CHCHD3: variants seen among roughly 807,000 people sequenced by gnomAD.
The protein encoded by CHCHD3 is MICOS complex subunit MIC19.
A neutral mutation model predicts 38.2 loss-of-function variants in CHCHD3; 20 were observed. The observed-to-expected ratio is 0.52, with a 90% CI of 0.37 to 0.76. The LOEUF (loss-of-function observed/expected upper bound fraction) is 0.76, where lower values mean the gene tolerates loss of function less well. Among genes scored for constraint, CHCHD3 ranks in the 30% least tolerant of loss-of-function variants. CHCHD3 has a pLI of 0.00. For missense variants in CHCHD3, 245 were observed against 279.2 expected (o/e 0.88, Z 0.87); for synonymous variants, 82 against 100.0 (o/e 0.82, Z 1.07).
At chr7:133,026,079 C>T (rs1349044240) in intron 2 of CHCHD3, among the ~76,000 whole-genome samples, 1 of 152,098 alleles carries the variant, frequency 6.6e-6, no homozygotes, top group Non-Finnish European at 1.5e-5. Flanking sequence ...AGCTAAAAAG[C>T]CCTCAGAATG....
chr7:132,838,957 G>A (rs1415572310), intron 5 of CHCHD3, among the ~76,000 whole-genome samples: 1 of 152,040 alleles, frequency 6.6e-6, no homozygotes, highest in Non-Finnish European at 1.5e-5. Context: ...TTGGGAGGCC[G>A]AGGTGGGCGG....
chr7:133,022,615 CA>C (rs3214414), intron 3 of CHCHD3: 142,707 of 401,076 alleles, frequency 0.36, 26,443 homozygotes, highest in Admixed American at 0.44. Context: ...AGGCTTCAAA[CA>C]AAACTTTTTT....
At chr7:132,889,118 A>T (rs1809298355) in intron 4 of CHCHD3, among the ~76,000 whole-genome samples, 1 of 152,104 alleles carries the variant, frequency 6.6e-6, no homozygotes, top group African/African-American at 2.4e-5. Context: ...GGGCATCTAA[A>T]AGAGTGAACC....
At chr7:132,808,865 C>A (rs1806996637) in intron 6 of CHCHD3, among the ~76,000 whole-genome samples, 1 of 151,218 alleles carries the variant, frequency 6.6e-6, no homozygotes, top group African/African-American at 2.4e-5. Context: ...AGGTATATCT[C>A]CCAATGCTAT....
chr7:133,043,037 T>C (rs1813875253), intron 2 of CHCHD3, among the ~76,000 whole-genome samples: 2 of 151,918 alleles, frequency 1.3e-5, no homozygotes, highest in Non-Finnish European at 2.9e-5. Context: ...CAGCTAATTT[T>C]TGTATTTTTT....
chr7:132,818,788 C>G (rs2117063708), intron 6 of CHCHD3, among the ~76,000 whole-genome samples: 1 of 152,230 alleles, frequency 6.6e-6, no homozygotes, highest in East Asian at 1.9e-4. Context: ...GAAGGAATTC[C>G]CAATTAATGA....
intron 4 of CHCHD3, among the ~76,000 whole-genome samples, chr7:132,914,551 G>A (rs1209299533): frequency 1.3e-5 from 2 of 152,182 alleles, no homozygotes; most frequent in East Asian, 3.9e-4. Flanking sequence ...CTTAAAAAGT[G>A]TGATCTAGTT....
At chr7:132,819,842 G>A (rs892753004) in intron 6 of CHCHD3, among the ~76,000 whole-genome samples, 5 of 152,204 alleles carry the variant, frequency 3.3e-5, no homozygotes, top group Admixed American at 1.3e-4. Context: ...GCTGTGCTGC[G>A]GGGGCAGCGT....
chr7:132,860,246 G>A (rs1053476445), intron 5 of CHCHD3, among the ~76,000 whole-genome samples: 1 of 152,076 alleles, frequency 6.6e-6, no homozygotes, highest in South Asian at 2.1e-4. Flanking sequence ...CAGTCTGGGT[G>A]ATGGAGTGAG....
intron 2 of CHCHD3, among the ~76,000 whole-genome samples, chr7:133,056,350 T>A (rs1342730862): frequency 1.3e-5 from 2 of 152,128 alleles, no homozygotes; most frequent in African/African-American, 4.8e-5. Context: ...TCGCACATCA[T>A]CCTTCTCCCA....
rs147144976 is a variant in CHCHD3, at chr7:132,852,898, G to C, written c.454-14429C>G. Among the ~76,000 whole-genome samples, 885 of 152,254 alleles carry C rather than the reference G, an allele frequency of 5.8e-3. 11 individuals are homozygous for C. Among genetic ancestry groups the C allele is most frequent in the Non-Finnish European group, 6.3e-3 (426 of 68,020 alleles). Reference sequence around the variant, plus strand: ...AAAAGATAGACACATTCTAATAGAGGCCAACATAAATAATTCATTCTGATT... The same window carrying C: ...AAAAGATAGACACATTCTAATAGAGCCCAACATAAATAATTCATTCTGATT... On this transcript the variant is annotated intron_variant, in intron 5 of 7. Coordinates refer to ENST00000262570, the MANE Select transcript of CHCHD3 (RefSeq NM_017812.4).
At chr7:133,044,079 A>G (rs779801703) in intron 2 of CHCHD3, among the ~76,000 whole-genome samples, 5 of 152,222 alleles carry the variant, frequency 3.3e-5, no homozygotes, top group Non-Finnish European at 7.3e-5. Flanking sequence ...CTGCATGACT[A>G]TGAATAAAAA....
chr7:132,854,420 T>C (rs1265379459), intron 5 of CHCHD3, among the ~76,000 whole-genome samples: 4 of 152,076 alleles, frequency 2.6e-5, no homozygotes, highest in East Asian at 3.9e-4. Flanking sequence ...TGAACAGATA[T>C]AAGAATAAGG....
At chr7:133,004,273 T>A (rs1338102884) in intron 3 of CHCHD3, among the ~76,000 whole-genome samples, 1 of 152,206 alleles carries the variant, frequency 6.6e-6, no homozygotes, top group African/African-American at 2.4e-5. Context: ...GCCTTAAAGA[T>A]TTAATATGAG....
chr7:132,786,618 G>A (rs1287146579), intron 7 of CHCHD3, among the ~76,000 whole-genome samples: 1 of 152,098 alleles, frequency 6.6e-6, no homozygotes, highest in Non-Finnish European at 1.5e-5. Context: ...GAGGCAAGGT[G>A]AGGCCGAGGT....
intron 7 of CHCHD3, among the ~76,000 whole-genome samples, chr7:132,793,912 G>A (rs1806533488): frequency 6.6e-6 from 1 of 152,226 alleles, no homozygotes; most frequent in South Asian, 2.1e-4. Context: ...TACGTATCTT[G>A]CCGGAGTCTC....
intron 4 of CHCHD3, among the ~76,000 whole-genome samples, chr7:132,903,723 G>A (rs1281281235): frequency 6.6e-6 from 1 of 152,128 alleles, no homozygotes; most frequent in Non-Finnish European, 1.5e-5. Context: ...ATTACATATT[G>A]CCTTTCTGAC....
chr7:132,914,013 G>A (rs908047019), intron 4 of CHCHD3, among the ~76,000 whole-genome samples: 1 of 139,666 alleles, frequency 7.2e-6, no homozygotes, highest in African/African-American at 2.7e-5. Context: ...AGGCTGGAGT[G>A]CAATGGCATG....
intron 4 of CHCHD3, among the ~76,000 whole-genome samples, chr7:132,941,518 C>G (rs1325561979): frequency 6.6e-6 from 1 of 152,192 alleles, no homozygotes; most frequent in Non-Finnish European, 1.5e-5. Context: ...CACCTTATTT[C>G]TGATATTTTT....
Sources: allele counts gnomAD v4.1 joint callset (sites outside exome capture counted in the v4.1 genomes callset), GRCh38; gene constraint gnomAD v4.1.1; transcripts MANE v1.5; gene names NCBI Gene and HGNC (gene_info 2026-07-23, HGNC 2026-07-21).